FRMD6: variants seen among roughly 807,000 people sequenced by gnomAD.
FRMD6 encodes FERM domain containing 6, also known as FERM domain-containing protein 6.
Under a neutral mutation model 73.2 loss-of-function variants are expected in FRMD6, and 37 were observed. The ratio of observed to expected loss-of-function variants is 0.51; its 90% CI spans 0.39 to 0.66. FRMD6 has a LOEUF of 0.66. Among genes scored for constraint, FRMD6 ranks in the 30% least tolerant of loss-of-function variants. The pLI is 0.00. For synonymous variants in FRMD6, 273 were observed against 282.2 expected (o/e 0.97, Z 0.33); for missense variants, 714 against 780.5 (o/e 0.91, Z 1.02).
intron 1 of FRMD6, among the ~76,000 whole-genome samples, chr14:51,559,038 C>T (rs2139492760): frequency 6.6e-6 from 1 of 152,310 alleles, no homozygotes; most frequent in Admixed American, 6.5e-5. Context: ...GGATTGGTTT[C>T]AGTCCATTTT....
intron 1 of FRMD6, among the ~76,000 whole-genome samples, chr14:51,560,463 A>G (rs1329814321): frequency 1.3e-5 from 2 of 151,760 alleles, no homozygotes; most frequent in Non-Finnish European, 2.9e-5. Context: ...TTGACATCCC[A>G]CTCCTTTGCA....
At chr14:51,477,710 TTTTC>T in the FRMD6 span, among the ~76,000 whole-genome samples, 8,646 of 146,232 alleles carry the variant, frequency 0.059, 514 homozygotes, top group Admixed American at 0.19. Context: ...TTTCTTTTTC[TTTTC>T]TTTCTTTCTT....
At chr14:51,713,211 A>G (rs1482139261) in intron 9 of FRMD6, among the ~76,000 whole-genome samples, 1 of 152,174 alleles carries the variant, frequency 6.6e-6, no homozygotes, top group East Asian at 1.9e-4. Flanking sequence ...AATCCCAGCC[A>G]CTTTGGGAGG....
At chr14:51,726,852 T>C (rs1897985975) in intron 13 of FRMD6, among the ~76,000 whole-genome samples, 1 of 152,194 alleles carries the variant, frequency 6.6e-6, no homozygotes, top group Admixed American at 6.5e-5. Flanking sequence ...CTTCTGGAAC[T>C]TTTGCCTCTA....
chr14:51,722,142 T>C (rs921990471), intron 12 of FRMD6, 62 bp downstream of exon 12: 1 of 1,588,206 alleles, frequency 6.3e-7, no homozygotes, highest in Non-Finnish European at 8.6e-7. Flanking sequence ...GAAAAACACA[T>C]GCCTCAGAAA....
the FRMD6 span, among the ~76,000 whole-genome samples, chr14:51,479,993 C>T: frequency 6.6e-6 from 1 of 152,144 alleles, no homozygotes; most frequent in Non-Finnish European, 1.5e-5. Context: ...GATTTTGATA[C>T]TATAAGCAAT....
intron 1 of FRMD6, among the ~76,000 whole-genome samples, chr14:51,519,231 C>T (rs376613048): frequency 2.2e-5 from 3 of 136,714 alleles, no homozygotes; most frequent in East Asian, 4.3e-4. Flanking sequence ...GTGGCACAAT[C>T]TTGGCTTGCT....
In FRMD6 at chr14:51,728,364, A is replaced by G. The variant is rs1386599081; in HGVS notation, c.*335A>G. The G allele has an allele frequency of 1.9e-5, 4 of 208,050 alleles. No individual in the cohort carries two copies. Among genetic ancestry groups the G allele is most frequent in the African/African-American group, 1.0e-4 (4 of 39,260 alleles). 12.9% of individuals were successfully genotyped at this position (208,050 alleles called of 1,614,324 possible). ...ATGCTTTTTAGTTCAGTTACATGTA[A>G]CATCACATTTTTTTATCACGTGAAA... On this transcript the variant is annotated 3_prime_UTR_variant, in exon 14 of 14. Coordinates refer to ENST00000344768, the MANE Select transcript of FRMD6 (RefSeq NM_001267046.2).
In FRMD6 at chr14:51,727,942, C is replaced by T. The variant is rs748130886; in HGVS notation, c.1782C>T (p.Asn594=). 1.2e-5 allele frequency: 20 copies of T among 1,614,014 alleles called. No individual in the cohort carries two copies. Among genetic ancestry groups the T allele is most frequent in the Non-Finnish European group, 1.7e-5 (20 of 1,179,976 alleles). The change falls in exon 14 of 14, where the codon AAC becomes AAT. Residue 594 remains asparagine (N), a synonymous_variant. Coordinates refer to ENST00000344768, the MANE Select transcript of FRMD6 (RefSeq NM_001267046.2). Reference sequence around the variant, plus strand: ...GTTGCTTGGCCCAGCAGTGCATCAACATCCAAGATGCTTTTCCAGTCAAAA... The same window carrying T: ...GTTGCTTGGCCCAGCAGTGCATCAATATCCAAGATGCTTTTCCAGTCAAAA... The part of the protein sequence containing the change: ...CNSCLAQQCI[N]IQDAFPVKRT...
At chr14:51,616,985 C>T (rs1433935385) in intron 2 of FRMD6, among the ~76,000 whole-genome samples, 4 of 152,108 alleles carry the variant, frequency 2.6e-5, no homozygotes, top group Non-Finnish European at 5.9e-5. Context: ...CCTCATATGC[C>T]CATGAAACAA....
chr14:51,456,505 G>C, the FRMD6 span, among the ~76,000 whole-genome samples: 1 of 152,120 alleles, frequency 6.6e-6, no homozygotes, highest in African/African-American at 2.4e-5. Context: ...CAGCTGCATA[G>C]TATTCCATGG....
the FRMD6 span, among the ~76,000 whole-genome samples, chr14:51,465,779 C>A: frequency 6.6e-6 from 1 of 151,854 alleles, no homozygotes; most frequent in East Asian, 1.9e-4. Flanking sequence ...AGTCTTTGTG[C>A]AAACATGTTT....
At chr14:51,630,289 T>C (rs1891285539) in intron 2 of FRMD6, among the ~76,000 whole-genome samples, 1 of 151,920 alleles carries the variant, frequency 6.6e-6, no homozygotes, top group Non-Finnish European at 1.5e-5. Context: ...ATCCCTGAGA[T>C]AGTTCTATAA....
At chr14:51,673,725 A>T (rs1014965660) in intron 1 of FRMD6, among the ~76,000 whole-genome samples, 6 of 152,156 alleles carry the variant, frequency 3.9e-5, no homozygotes, top group African/African-American at 1.4e-4. Flanking sequence ...GGAGGGGAAA[A>T]AAAGTACAGA....
Position 51,634,432 on chromosome 14 carries a change from T to A in FRMD6, c.-146-55259T>A, listed in dbSNP as rs1891465658. Among the ~76,000 whole-genome samples, 3 of 152,322 alleles carry A rather than the reference T, an allele frequency of 2.0e-5. No individual in the cohort carries two copies. The South Asian group carries it at 6.2e-4, about 32-fold the overall frequency. On this transcript the variant is annotated intron_variant, in intron 2 of 14. Coordinates refer to the FRMD6 transcript ENST00000356218. Reference sequence around the variant, plus strand: ...GAATGCTTATCCTCTCTCCGAATTATCTCTATCCCCTATTCCCAAAACCAA... The same window carrying A: ...GAATGCTTATCCTCTCTCCGAATTAACTCTATCCCCTATTCCCAAAACCAA...
At chr14:51,722,605 C>T (rs1013875993) in intron 12 of FRMD6, among the ~76,000 whole-genome samples, 5 of 152,206 alleles carry the variant, frequency 3.3e-5, no homozygotes, top group South Asian at 4.2e-4. Flanking sequence ...ATTCCATATT[C>T]GTATGAATTC....
At chr14:51,440,085 T>C in the FRMD6 span, among the ~76,000 whole-genome samples, 1 of 152,132 alleles carries the variant, frequency 6.6e-6, no homozygotes, top group Non-Finnish European at 1.5e-5. Flanking sequence ...TTAATTAGTG[T>C]AAACAAAAGA....
In FRMD6 at chr14:51,729,586, T is replaced by G. The variant is rs968330174; in HGVS notation, c.*1557T>G. On this transcript the variant is annotated 3_prime_UTR_variant, in exon 14 of 14. Coordinates refer to ENST00000344768, the MANE Select transcript of FRMD6 (RefSeq NM_001267046.2). ...ATACCATTTTTTTCTATCTGCCCAGTTTTATTAAAAAAACTATATATTATT... is the reference window on the plus strand; with the variant it reads ...ATACCATTTTTTTCTATCTGCCCAGGTTTATTAAAAAAACTATATATTATT... 6.6e-6 allele frequency: 1 copy of G among 152,644 alleles called. No homozygotes were observed. The highest frequency in any genetic ancestry group is 2.4e-5 in the African/African-American group (1 of 41,446). The allele number at this position is 152,644 out of a possible 1,614,324, so 9.5% of individuals were successfully genotyped here.
chr14:51,496,503 T>A (rs1883301248), intron 1 of FRMD6, among the ~76,000 whole-genome samples: 1 of 152,168 alleles, frequency 6.6e-6, no homozygotes, highest in Non-Finnish European at 1.5e-5. Context: ...GGACTCTAAC[T>A]TCTGTGATTT....
Sources: allele counts gnomAD v4.1 joint callset (sites outside exome capture counted in the v4.1 genomes callset), GRCh38; gene constraint gnomAD v4.1.1; transcripts MANE v1.5; gene names NCBI Gene and HGNC (gene_info 2026-07-23, HGNC 2026-07-21).